Variants in WFDC8 observed in about 807,000 individuals in gnomAD.
WFDC8 encodes the protein WAP four-disulfide core domain 8.
Under a neutral mutation model 27.0 loss-of-function variants are expected in WFDC8, and 24 were observed. That is an observed-to-expected ratio of 0.89 (90% CI 0.64 to 1.25). The LOEUF (loss-of-function observed/expected upper bound fraction) is 1.25, where lower values mean the gene tolerates loss of function less well. Ranked by LOEUF, WFDC8 falls within the 50% of genes most tolerant of loss-of-function variation. The pLI is 0.00. For missense variants in WFDC8, 287 were observed against 295.9 expected (o/e 0.97, Z 0.22); for synonymous variants, 106 against 99.7 (o/e 1.06, Z -0.38).
intron 3 of WFDC8, among the ~76,000 whole-genome samples, chr20:45,556,470 G>A (rs73908103): frequency 0.013 from 1,972 of 152,260 alleles, 45 homozygotes; most frequent in African/African-American, 0.045. Context: ...TTTAGCCCGG[G>A]AACTGCTAAG....
intron 1 of WFDC8, among the ~76,000 whole-genome samples, chr20:45,569,874 T>C (rs761345468): frequency 3.2e-4 from 48 of 152,214 alleles, no homozygotes; most frequent in Non-Finnish European, 5.0e-4. Context: ...AATGAGATCA[T>C]GTCCTTTGCA....
intron 4 of WFDC8, 92 bp downstream of exon 4, chr20:45,555,609 G>A: frequency 6.9e-7 from 1 of 1,455,606 alleles, no homozygotes; most frequent in Non-Finnish European, 9.5e-7. Context: ...TTGAACCAAG[G>A]AACTTTAACC....
intron 2 of WFDC8, among the ~76,000 whole-genome samples, chr20:45,561,116 G>A (rs892894737): frequency 5.9e-5 from 9 of 152,202 alleles, no homozygotes; most frequent in Middle Eastern, 3.4e-3. Flanking sequence ...ACCCTCCTCC[G>A]TTTCTTGTTG....
chr20:45,570,901 A>G (rs6104234), intron 1 of WFDC8, among the ~76,000 whole-genome samples: 1 of 152,184 alleles, frequency 6.6e-6, no homozygotes, highest in Non-Finnish European at 1.5e-5. Context: ...ATTTGGAGAA[A>G]TGAAAGTAAT....
At position 45,565,916 on chromosome 20, in the gene WFDC8, A is replaced by AT. The variant is rs201435832; in HGVS notation, c.27-3698dup. ...TGTGCCATCAAGTTTTTTAAAAAAT[A>AT]TATTTAAAGTATGCAGTAAGATAAA... is the stretch of plus-strand genomic sequence containing the variant. On this transcript the variant is annotated intron_variant, in intron 1 of 5. Transcript: ENST00000289953. 6.3e-3 allele frequency among the ~76,000 whole-genome samples: 933 copies of AT among 147,920 alleles called. 9 individuals carry two copies. The highest frequency in any genetic ancestry group is 0.022 in the African/African-American group (899 of 40,590).
At chr20:45,573,157 G>C (rs1980927513) in intron 1 of WFDC8, among the ~76,000 whole-genome samples, 1 of 152,032 alleles carries the variant, frequency 6.6e-6, no homozygotes, top group African/African-American at 2.4e-5. Flanking sequence ...TCTGTTTCTT[G>C]TGATTTTAGG....
chr20:45,565,946 T>C (rs1249253404), intron 1 of WFDC8, among the ~76,000 whole-genome samples: 2 of 152,212 alleles, frequency 1.3e-5, no homozygotes, highest in African/African-American at 4.8e-5. Context: ...GATAAAAGCA[T>C]TTTATGAAAG....
At chr20:45,557,718 C>T (rs1293883901) in intron 3 of WFDC8, among the ~76,000 whole-genome samples, 2 of 152,172 alleles carry the variant, frequency 1.3e-5, no homozygotes, top group African/African-American at 2.4e-5. Flanking sequence ...CAGGTGTGAG[C>T]CACCGTGCCC....
At chr20:45,572,693 G>A (rs898868161) in intron 1 of WFDC8, among the ~76,000 whole-genome samples, 6 of 152,182 alleles carry the variant, frequency 3.9e-5, no homozygotes, top group African/African-American at 9.6e-5. Context: ...TGCAACCTTC[G>A]CCTCCCAAGT....
intron 4 of WFDC8, among the ~76,000 whole-genome samples, chr20:45,553,509 A>T (rs1980123377): frequency 6.6e-6 from 1 of 152,196 alleles, no homozygotes; most frequent in Non-Finnish European, 1.5e-5. Flanking sequence ...CAGTCCTGCT[A>T]CTTGGTGAGT....
chr20:45,557,515 C>T (rs1455435243), intron 3 of WFDC8, among the ~76,000 whole-genome samples: 1 of 152,144 alleles, frequency 6.6e-6, no homozygotes, highest in Non-Finnish European at 1.5e-5. Flanking sequence ...TCATTGCAAC[C>T]TCTGCCTCCC....
At position 45,569,077 on chromosome 20, in the gene WFDC8, AT is replaced by A. The variant is rs1286191664; in HGVS notation, c.27-6859del. Among the ~76,000 whole-genome samples the A allele has an allele frequency of 2.0e-5, 3 of 152,286 alleles. No homozygotes were observed. The East Asian group carries it at 5.8e-4, about 29-fold the overall frequency. ...GCCTTTAACTCTTCCTTTATTGAGA[AT>A]TTCCAAATCCAATCCTGCTTGATTT... On this transcript the variant is annotated intron_variant, in intron 1 of 5. Coordinates refer to ENST00000289953, the MANE Select transcript of WFDC8 (RefSeq NM_130896.3).
At chr20:45,568,622 G>A in intron 1 of WFDC8, 4 of 532,910 alleles carry the variant, frequency 7.5e-6, no homozygotes, top group South Asian at 5.6e-5. Context: ...ATTCAGTGCG[G>A]ACAATATCTA....
chr20:45,563,175 A>G (rs1369717306), intron 1 of WFDC8, among the ~76,000 whole-genome samples: 1 of 152,184 alleles, frequency 6.6e-6, no homozygotes, highest in Non-Finnish European at 1.5e-5. Context: ...TTCAAATTTT[A>G]CAATAGTGCC....
At chr20:45,563,244 C>A (rs948182551) in intron 1 of WFDC8, among the ~76,000 whole-genome samples, 5 of 152,194 alleles carry the variant, frequency 3.3e-5, no homozygotes, top group African/African-American at 1.2e-4. Context: ...TTTTGGGCCT[C>A]GCTCAATCCC....
intron 1 of WFDC8, among the ~76,000 whole-genome samples, chr20:45,563,213 C>T (rs918090667): frequency 5.3e-5 from 8 of 152,160 alleles, no homozygotes; most frequent in African/African-American, 1.9e-4. Context: ...GAAATTATGA[C>T]CCCAAACATA....
Position 45,555,587 on chromosome 20 carries a change from C to G in WFDC8, c.445+114G>C. 3 of 1,221,820 alleles carry G rather than the reference C, an allele frequency of 2.5e-6. No individual in the cohort carries two copies. In the South Asian group the frequency reaches 4.4e-5, roughly 18 times the overall value. 75.7% of individuals were successfully genotyped at this position (1,221,820 alleles called of 1,614,324 possible). A position where few individuals can be genotyped will look rare whatever the true frequency, so the allele number is the denominator to read the frequency against. Reference sequence around the variant, plus strand: ...CCAAGACCTCCCAGCCAGTGAATGACAGAGCTAAGTCTTGAACCAAGGAAC... The same window carrying G: ...CCAAGACCTCCCAGCCAGTGAATGAGAGAGCTAAGTCTTGAACCAAGGAAC... On this transcript the variant is annotated intron_variant, in intron 4 of 5. Coordinates refer to ENST00000289953, the MANE Select transcript of WFDC8 (RefSeq NM_130896.3).
intron 1 of WFDC8, among the ~76,000 whole-genome samples, chr20:45,575,428 A>ATGGACAGGAGTGTCCTTTT (rs1271636599): frequency 2.4e-4 from 34 of 141,514 alleles, no homozygotes; most frequent in Non-Finnish European, 3.1e-4. Context: ...CAATAGCATA[A>ATGGACAGGAGTGTCCTTTT]AAAATACTTA....
At chr20:45,567,277 A>G (rs1441430657) in intron 1 of WFDC8, among the ~76,000 whole-genome samples, 1 of 152,204 alleles carries the variant, frequency 6.6e-6, no homozygotes, top group East Asian at 1.9e-4. Flanking sequence ...ACAAGTTACT[A>G]TGAGGGTAAA....
Sources: allele counts gnomAD v4.1 joint callset (sites outside exome capture counted in the v4.1 genomes callset), GRCh38; gene constraint gnomAD v4.1.1; transcripts MANE v1.5; gene names NCBI Gene and HGNC (gene_info 2026-07-23, HGNC 2026-07-21).